The following TTC6 variants were observed in gnomAD, a reference collection of about 807,000 sequenced individuals.
TTC6 encodes the protein tetratricopeptide repeat domain 6.
A neutral mutation model predicts 210.4 loss-of-function variants in TTC6; 172 were observed. The observed-to-expected ratio is 0.82, with a 90% CI of 0.72 to 0.93. TTC6 has a LOEUF of 0.93. TTC6 is among the 40% of genes least tolerant of loss of function. The probability of loss-of-function intolerance (pLI) is 0.00; values close to 1 mark genes in which losing one functional copy is unlikely to be tolerated. For synonymous variants in TTC6, 804 were observed against 819.6 expected (o/e 0.98, Z 0.32); for missense variants, 2,414 against 2,318.1 (o/e 1.04, Z -0.85).
intron 13 of TTC6, among the ~76,000 whole-genome samples, chr14:37,751,623 C>G (rs1400873906): frequency 6.6e-6 from 1 of 152,088 alleles, no homozygotes; most frequent in Non-Finnish European, 1.5e-5. Flanking sequence ...TGCAGGGAAC[C>G]TATCTGCTCT....
chr14:37,813,742 A>G (rs987001702), intron 25 of TTC6, among the ~76,000 whole-genome samples: 1 of 152,208 alleles, frequency 6.6e-6, no homozygotes, highest in Non-Finnish European at 1.5e-5. Context: ...TAAATGAGAC[A>G]GAGTTCCAGT....
At chr14:37,783,854 G>C (rs1290681371) in intron 14 of TTC6, among the ~76,000 whole-genome samples, 1 of 152,166 alleles carries the variant, frequency 6.6e-6, no homozygotes, top group Admixed American at 6.5e-5. Flanking sequence ...TGGTTTCAAA[G>C]AACATCTTTA....
At chr14:37,767,202 T>C (rs1445959513) in intron 14 of TTC6, among the ~76,000 whole-genome samples, 1 of 152,194 alleles carries the variant, frequency 6.6e-6, no homozygotes, top group Non-Finnish European at 1.5e-5. Flanking sequence ...TCTATCATTG[T>C]TGGACATTTG....
chr14:37,805,639 CT>C (rs1395436371), intron 21 of TTC6, among the ~76,000 whole-genome samples: 1 of 152,156 alleles, frequency 6.6e-6, no homozygotes, highest in Admixed American at 6.5e-5. Flanking sequence ...GCAAACTCAG[CT>C]TTGCTTTAAA....
At chr14:37,789,369 C>T (rs2096074339) in intron 15 of TTC6, among the ~76,000 whole-genome samples, 1 of 151,612 alleles carries the variant, frequency 6.6e-6, no homozygotes, top group African/African-American at 2.4e-5. Context: ...AGAGCAGCCA[C>T]CCAAACTGCA....
At position 37,658,409 on chromosome 14, in the gene TTC6, T is replaced by C. The variant is rs177876; in HGVS notation, c.940-21742T>C. 3.9e-3 allele frequency among the ~76,000 whole-genome samples: 599 copies of C among 152,232 alleles called. 8 individuals carry two copies. The highest frequency in any genetic ancestry group is 0.013 in the African/African-American group (542 of 41,548). ...GGAGAGACCATGAGGACATTGGCCA[T>C]TGTTACTTGAAAGTGTGTGTGAGGT... On this transcript the variant is annotated intron_variant, in intron 1 of 30. Transcript: ENST00000553443.
intron 5 of TTC6, among the ~76,000 whole-genome samples, chr14:37,705,284 A>G (rs770393696): frequency 6.6e-6 from 1 of 152,164 alleles, no homozygotes; most frequent in Non-Finnish European, 1.5e-5. Context: ...CAACAATGGA[A>G]AAACCAAAGG....
intron 14 of TTC6, among the ~76,000 whole-genome samples, chr14:37,783,902 C>T (rs2096061472): frequency 6.6e-6 from 1 of 152,176 alleles, no homozygotes; most frequent in South Asian, 2.1e-4. Flanking sequence ...AGTAGTCATT[C>T]AGGAGCAGGT....
chr14:37,662,227 T>A (rs1188011325), intron 1 of TTC6, among the ~76,000 whole-genome samples: 4 of 152,206 alleles, frequency 2.6e-5, no homozygotes, highest in Admixed American at 1.3e-4. Flanking sequence ...CCTTGTCTTG[T>A]GCCAGTTTTC....
chr14:37,717,942 C>T (rs1054237181), intron 6 of TTC6, among the ~76,000 whole-genome samples: 3 of 152,162 alleles, frequency 2.0e-5, no homozygotes, highest in African/African-American at 7.2e-5. Context: ...TGGGCAAGTT[C>T]AGCTCTCTTT....
chr14:37,790,553 C>CTA lies in TTC6; in HGVS notation c.3437-162_3437-161dup, dbSNP rs369023818. The stretch of plus-strand genomic sequence containing the variant: ...AATAAATACATTTTAATGTACAATA[C>CTA]TATTATTTAACTTACCAAACAAGTA... On this transcript the variant is annotated intron_variant, in intron 15 of 30. Transcript: ENST00000553443. Among the ~76,000 whole-genome samples, 4 of 152,286 alleles carry CTA rather than the reference C, an allele frequency of 2.6e-5. No homozygotes were observed. In the South Asian group the frequency reaches 8.3e-4, roughly 32 times the overall value.
At chr14:37,809,540 A>G (rs145053262) in intron 24 of TTC6, among the ~76,000 whole-genome samples, 1 of 152,272 alleles carries the variant, frequency 6.6e-6, no homozygotes, top group African/African-American at 2.4e-5. Context: ...AGCAGTAGCA[A>G]TCACTAGCAA....
chr14:37,626,676 C>T (rs2095660858), intron 1 of TTC6, among the ~76,000 whole-genome samples: 1 of 152,220 alleles, frequency 6.6e-6, no homozygotes, highest in Admixed American at 6.5e-5. Context: ...TTCTTTTTGC[C>T]TAATTTCTCC....
intron 10 of TTC6, among the ~76,000 whole-genome samples, chr14:37,743,306 G>A (rs549877640): frequency 5.0e-5 from 6 of 121,012 alleles, no homozygotes; most frequent in African/African-American, 8.6e-5. Context: ...TACTTTCAGT[G>A]ATCTGGGACT....
chr14:37,680,211 G>A (rs1358653631), exon 2 of TTC6: 2 of 1,534,302 alleles, frequency 1.3e-6, no homozygotes, highest in South Asian at 2.4e-5. Flanking sequence ...AGAAACACCT[G>A]AGATACAAGC....
At chr14:37,806,484 A>G in exon 22 of TTC6, 2 of 1,534,434 alleles carry the variant, frequency 1.3e-6, no homozygotes, top group Non-Finnish European at 8.7e-7. Context: ...TAATCGTGCA[A>G]TTACCCTCAA....
rs187956248 is a variant in TTC6 at position 37,668,215 on chromosome 14, T to C, written c.940-11936T>C. On this transcript the variant is annotated intron_variant, in intron 1 of 30. Coordinates refer to ENST00000553443, the Ensembl canonical transcript of TTC6. ...AACCGTAGATAGCATAGAGGGTTCT[T>C]CATAATTTGACCTTACTAGCATTAT... Among the ~76,000 whole-genome samples the C allele has an allele frequency of 8.6e-5, 13 of 150,730 alleles. No individual in the cohort carries two copies. The East Asian group carries it at 2.1e-3, about 25-fold the overall frequency.
intron 29 of TTC6, among the ~76,000 whole-genome samples, chr14:37,840,134 A>C (rs1416291076): frequency 6.6e-6 from 1 of 152,074 alleles, no homozygotes; most frequent in Non-Finnish European, 1.5e-5. Flanking sequence ...TCAAATAGAC[A>C]CAATAAAAAA....
chr14:37,780,051 A>C (rs1425558106), intron 14 of TTC6, among the ~76,000 whole-genome samples: 2 of 152,196 alleles, frequency 1.3e-5, no homozygotes, highest in African/African-American at 4.8e-5. Context: ...AGTCTGTTTG[A>C]ATGAATGAAT....
Sources: allele counts gnomAD v4.1 joint callset (sites outside exome capture counted in the v4.1 genomes callset), GRCh38; gene constraint gnomAD v4.1.1; transcripts MANE v1.5; gene names NCBI Gene and HGNC (gene_info 2026-07-23, HGNC 2026-07-21).